Variants in SPATA16 observed in about 807,000 individuals in gnomAD.
SPATA16 encodes spermatogenesis-associated protein 16.
A neutral mutation model predicts 63.3 loss-of-function variants in SPATA16; 36 were observed. That is an observed-to-expected ratio of 0.57 (90% CI 0.44 to 0.75). The LOEUF (loss-of-function observed/expected upper bound fraction) is 0.75. SPATA16 is among the 30% of genes least tolerant of loss of function. The probability of loss-of-function intolerance (pLI) is 0.00; values close to 1 mark genes in which losing one functional copy is unlikely to be tolerated. For missense variants in SPATA16, 646 were observed against 679.3 expected, an observed-to-expected ratio of 0.95 and a Z score of 0.54; for synonymous variants, 203 against 216.7, an observed-to-expected ratio of 0.94 and a Z score of 0.56.
chr3:173,061,642 CT>C (rs1370293591), intron 2 of SPATA16, among the ~76,000 whole-genome samples: 1 of 152,118 alleles, frequency 6.6e-6, no homozygotes, highest in African/African-American at 2.4e-5. Flanking sequence ...CAATAAATAT[CT>C]TTTTATACTC....
At chr3:172,929,933 C>T (rs1290659949) in intron 6 of SPATA16, among the ~76,000 whole-genome samples, 1 of 152,158 alleles carries the variant, frequency 6.6e-6, no homozygotes, top group Non-Finnish European at 1.5e-5. Flanking sequence ...CCATTATTCA[C>T]CCAATTATTC....
intron 2 of SPATA16, among the ~76,000 whole-genome samples, chr3:173,115,181 A>G (rs1167195758): frequency 6.6e-6 from 1 of 152,222 alleles, no homozygotes; most frequent in African/African-American, 2.4e-5. Context: ...TTCAAATTTT[A>G]TAATTTTGAA....
rs552045700 is a variant in SPATA16 at position 173,087,621 on chromosome 3, T to G, written c.612+29499A>C. On this transcript the variant is annotated intron_variant, in intron 2 of 10. Coordinates refer to ENST00000351008, the MANE Select transcript of SPATA16 (RefSeq NM_031955.6). ...TAATGTAGTTGCTTCATCGTGTCAT[T>G]GGTCTGTGTACTTCATTGTGTTTTT... Among the ~76,000 whole-genome samples the G allele has an allele frequency of 4.6e-5, 7 of 152,318 alleles. No homozygotes were observed. The South Asian group carries it at 1.5e-3, about 32-fold the overall frequency.
chr3:173,012,732 A>G (rs558672399), intron 4 of SPATA16, among the ~76,000 whole-genome samples: 2 of 152,262 alleles, frequency 1.3e-5, no homozygotes, highest in Non-Finnish European at 2.9e-5. Context: ...CATATGCAGA[A>G]GAATGAAACT....
intron 4 of SPATA16, among the ~76,000 whole-genome samples, chr3:172,999,399 C>CTTTCTTTCA (rs1206328973): frequency 1.5e-5 from 2 of 132,132 alleles, no homozygotes; most frequent in African/African-American, 2.5e-5. Flanking sequence ...TATTTCATTT[C>CTTTCTTTCA]TTTCTTTCTT....
intron 2 of SPATA16, among the ~76,000 whole-genome samples, chr3:173,056,758 G>A (rs958468751): frequency 6.8e-6 from 1 of 146,276 alleles, no homozygotes; most frequent in African/African-American, 2.6e-5. Context: ...CATTTTTTGG[G>A]ACATAATCAT....
At chr3:173,012,107 G>T (rs1351019593) in intron 4 of SPATA16, among the ~76,000 whole-genome samples, 1 of 152,204 alleles carries the variant, frequency 6.6e-6, no homozygotes, top group Non-Finnish European at 1.5e-5. Context: ...TTACAGACAT[G>T]AGTCACCATG....
intron 4 of SPATA16, among the ~76,000 whole-genome samples, chr3:173,011,449 A>G (rs1422018030): frequency 6.6e-6 from 1 of 152,224 alleles, no homozygotes; most frequent in Non-Finnish European, 1.5e-5. Flanking sequence ...ACCTGGAGTC[A>G]ACATCATACT....
In SPATA16 at chr3:173,117,256, T is replaced by G. The variant is rs553911736; in HGVS notation, c.476A>C (p.Asp159Ala). The G allele has an allele frequency of 6.2e-7, 1 of 1,614,048 alleles. No homozygotes were observed. The highest frequency in any genetic ancestry group is 1.1e-5 in the South Asian group (1 of 91,076). ...QPTCQAAEIV[D>A]PLSVHNFSFL... is the part of the protein sequence containing the mutation. ...GCTGAAATTATGTACACTCAAAGGG[T>G]CTACTATTTCAGCAGCTTGGCATGT... Residue 159 changes from aspartate (D) to alanine (A), a missense_variant, in exon 2 of 11, where the codon GAC (aspartate) becomes GCC (alanine). Physicochemically the swap from Asp to Ala is moderately radical, Grantham distance 126. Coordinates refer to ENST00000351008, the MANE Select transcript of SPATA16 (RefSeq NM_031955.6).
At chr3:172,940,087 C>T (rs1393017221) in intron 6 of SPATA16, among the ~76,000 whole-genome samples, 1 of 152,172 alleles carries the variant, frequency 6.6e-6, no homozygotes, top group Non-Finnish European at 1.5e-5. Context: ...CCTGGAGGCT[C>T]CACATCTCTC....
At chr3:173,106,013 A>G (rs1432985425) in intron 2 of SPATA16, among the ~76,000 whole-genome samples, 1 of 152,230 alleles carries the variant, frequency 6.6e-6, no homozygotes, top group African/African-American at 2.4e-5. Flanking sequence ...TCAATTAAAC[A>G]TAATGCTGAT....
chr3:173,054,055 T>TA (rs1483156377), intron 2 of SPATA16, among the ~76,000 whole-genome samples: 1 of 151,946 alleles, frequency 6.6e-6, no homozygotes, highest in Non-Finnish European at 1.5e-5. Flanking sequence ...TCTGCTTTTT[T>TA]AAAATTGGAA....
At chr3:172,910,383 C>T (rs566126958) in intron 10 of SPATA16, among the ~76,000 whole-genome samples, 13 of 152,032 alleles carry the variant, frequency 8.6e-5, no homozygotes, top group South Asian at 2.1e-4. Flanking sequence ...TGAGCCACTG[C>T]GCCCGGCCAG....
intron 2 of SPATA16, among the ~76,000 whole-genome samples, chr3:173,051,410 G>A (rs764950331): frequency 7.2e-5 from 11 of 152,108 alleles, no homozygotes; most frequent in East Asian, 1.9e-4. Flanking sequence ...CACCGTGTTA[G>A]CCAGGATGAC....
intron 1 of SPATA16, among the ~76,000 whole-genome samples, chr3:173,135,823 T>A (rs1294723408): frequency 1.3e-5 from 2 of 152,250 alleles, no homozygotes; most frequent in Non-Finnish European, 2.9e-5. Flanking sequence ...GCTCCTGGGC[T>A]TACTGGTACC....
chr3:173,035,122 A>G (rs1442764685), intron 3 of SPATA16, among the ~76,000 whole-genome samples: 2 of 152,138 alleles, frequency 1.3e-5, no homozygotes, highest in Admixed American at 6.6e-5. Flanking sequence ...GTGTTTGTTG[A>G]AAATGCTACA....
intron 2 of SPATA16, among the ~76,000 whole-genome samples, chr3:173,076,435 C>T (rs1303217150): frequency 6.6e-6 from 1 of 151,634 alleles, no homozygotes; most frequent in African/African-American, 2.4e-5. Context: ...GTATATTTTT[C>T]CTCTAAGAAT....
intron 2 of SPATA16, among the ~76,000 whole-genome samples, chr3:173,101,252 C>G (rs1401003682): frequency 6.6e-6 from 1 of 152,070 alleles, no homozygotes; most frequent in Non-Finnish European, 1.5e-5. Flanking sequence ...CATGTTTCAC[C>G]CCCTCTTTGA....
intron 2 of SPATA16, among the ~76,000 whole-genome samples, chr3:173,081,284 A>G (rs554625834): frequency 6.6e-5 from 10 of 152,330 alleles, no homozygotes; most frequent in African/African-American, 2.2e-4. Flanking sequence ...TGTTCCTCAT[A>G]GTCAGCCAGA....
Sources: gnomAD v4.1 joint callset for allele counts (sites outside exome capture counted in the v4.1 genomes callset) on GRCh38, gnomAD v4.1.1 for gene constraint, MANE v1.5 for transcripts, NCBI Gene and HGNC (gene_info 2026-07-23, HGNC 2026-07-21) for gene names.